RBFOX1: variants seen among roughly 807,000 people sequenced by gnomAD.
RBFOX1 encodes the protein RNA binding protein fox-1 homolog 1.
Under a neutral mutation model 57.7 loss-of-function variants are expected in RBFOX1, and 8 were observed. The ratio of observed to expected loss-of-function variants is 0.14; its 90% CI spans 0.08 to 0.25. The LOEUF is 0.25. Ranked by LOEUF, RBFOX1 falls within the 10% of genes least tolerant of loss-of-function variation. RBFOX1 has a pLI of 1.00. For synonymous variants in RBFOX1, 326 were observed against 222.4 expected, an observed-to-expected ratio of 1.47 and a Z score of -4.15; for missense variants, 611 against 548.5, an observed-to-expected ratio of 1.11 and a Z score of -1.14.
chr16:6,982,526 C>A (rs1314137705), intron 3 of RBFOX1, among the ~76,000 whole-genome samples: 1 of 152,180 alleles, frequency 6.6e-6, no homozygotes, highest in Non-Finnish European at 1.5e-5. Context: ...CGGCCTCGCC[C>A]TCTGTTCATC....
intron 2 of RBFOX1, among the ~76,000 whole-genome samples, chr16:6,505,900 A>AACCT (rs1299369802): frequency 6.6e-6 from 1 of 152,186 alleles, no homozygotes; most frequent in Non-Finnish European, 1.5e-5. Flanking sequence ...AGTGACAGAG[A>AACCT]ACCTGTTACC....
intron 1 of RBFOX1, among the ~76,000 whole-genome samples, chr16:6,249,503 G>A (rs1437947307): frequency 2.6e-5 from 4 of 152,184 alleles, no homozygotes; most frequent in African/African-American, 4.8e-5. Context: ...CAGCTTGGGC[G>A]ACAGAGGGAG....
At chr16:5,926,348 G>A (rs1454528878) in intron 4 of RBFOX1, among the ~76,000 whole-genome samples, 1 of 152,164 alleles carries the variant, frequency 6.6e-6, no homozygotes, top group Admixed American at 6.5e-5. Flanking sequence ...CTGGAACAGG[G>A]ATACTGGCTG....
intron 1 of RBFOX1, among the ~76,000 whole-genome samples, chr16:6,223,486 GC>G (rs1459232766): frequency 1.3e-5 from 2 of 152,112 alleles, no homozygotes; most frequent in Non-Finnish European, 2.9e-5. Context: ...TCTTTTGGCT[GC>G]ATAAATGTCT....
chr16:7,070,359 G>A (rs2057074184), intron 4 of RBFOX1, among the ~76,000 whole-genome samples: 1 of 152,138 alleles, frequency 6.6e-6, no homozygotes, highest in Non-Finnish European at 1.5e-5. Flanking sequence ...CATGATTTTG[G>A]AAAACTTGTC....
At chr16:7,514,635 AG>A (rs1161364375) in intron 4 of RBFOX1, among the ~76,000 whole-genome samples, 1 of 152,066 alleles carries the variant, frequency 6.6e-6, no homozygotes, top group African/African-American at 2.4e-5. Flanking sequence ...CTGAAGGAAG[AG>A]TAAGGACTAG....
At chr16:6,548,640 A>C (rs1325425112) in intron 2 of RBFOX1, among the ~76,000 whole-genome samples, 1 of 152,182 alleles carries the variant, frequency 6.6e-6, no homozygotes, top group African/African-American at 2.4e-5. Context: ...AAATTATAGA[A>C]CTGGGAAGCA....
intron 1 of RBFOX1, among the ~76,000 whole-genome samples, chr16:6,222,512 A>G (rs764176412): frequency 8.4e-4 from 128 of 151,934 alleles, no homozygotes; most frequent in Admixed American, 1.5e-3. Flanking sequence ...TTGCAGATAC[A>G]TCAGCTCTGA....
intron 1 of RBFOX1, among the ~76,000 whole-genome samples, chr16:6,171,161 G>T (rs1395487893): frequency 6.6e-6 from 1 of 152,136 alleles, no homozygotes; most frequent in Non-Finnish European, 1.5e-5. Context: ...AGCTTGTCAG[G>T]ATCTCTTCTT....
chr16:5,487,956 A>G (rs1597266294), intron 2 of RBFOX1, among the ~76,000 whole-genome samples: 1 of 152,036 alleles, frequency 6.6e-6, no homozygotes, highest in Non-Finnish European at 1.5e-5. Flanking sequence ...GGTGGTGGGG[A>G]GAAGATGATT....
intron 2 of RBFOX1, among the ~76,000 whole-genome samples, chr16:6,443,934 C>G (rs781004377): frequency 9.9e-5 from 15 of 151,956 alleles, no homozygotes; most frequent in Non-Finnish European, 2.1e-4. Flanking sequence ...TACAGTAGAG[C>G]CAAAAGTGAT....
chr16:7,465,944 A>T (rs1191121651), intron 4 of RBFOX1, among the ~76,000 whole-genome samples: 1 of 152,210 alleles, frequency 6.6e-6, no homozygotes, highest in African/African-American at 2.4e-5. Context: ...TGCTTAAAAG[A>T]ATGACAGACT....
At chr16:7,697,307 G>A (rs187341843) in intron 14 of RBFOX1, among the ~76,000 whole-genome samples, 70 of 152,220 alleles carry the variant, frequency 4.6e-4, no homozygotes, top group Non-Finnish European at 9.0e-4. Flanking sequence ...GTACAAGCTC[G>A]AGTCTGTTAA....
At chr16:6,911,407 C>A (rs1223347190) in intron 3 of RBFOX1, among the ~76,000 whole-genome samples, 1 of 152,124 alleles carries the variant, frequency 6.6e-6, no homozygotes, top group African/African-American at 2.4e-5. Flanking sequence ...CTGTTCCATG[C>A]CCCTCCCTGT....
chr16:5,491,806 C>G (rs537076645), intron 2 of RBFOX1, among the ~76,000 whole-genome samples: 25 of 152,312 alleles, frequency 1.6e-4, no homozygotes, highest in African/African-American at 6.0e-4. Flanking sequence ...CAGTTGTTCT[C>G]AAGCCTAGCT....
chr16:7,359,740 T>A (rs1474771079), intron 4 of RBFOX1, among the ~76,000 whole-genome samples: 1 of 152,116 alleles, frequency 6.6e-6, no homozygotes, highest in Non-Finnish European at 1.5e-5. Context: ...ATCCCAGCAC[T>A]TTGGGAGGCT....
At chr16:6,779,797 T>TTATATA (rs2080101349) in intron 3 of RBFOX1, among the ~76,000 whole-genome samples, 3 of 1,096 alleles carry the variant, frequency 2.7e-3, no homozygotes, top group African/African-American at 0.014. Flanking sequence ...TTATATATAC[T>TTATATA]TTTATATATT....
At chr16:5,943,178 C>G (rs930627573) in intron 4 of RBFOX1, among the ~76,000 whole-genome samples, 4 of 152,208 alleles carry the variant, frequency 2.6e-5, no homozygotes, top group Non-Finnish European at 5.9e-5. Flanking sequence ...CAAGCCAGTG[C>G]TTCTAGGTGT....
intron 3 of RBFOX1, among the ~76,000 whole-genome samples, chr16:5,642,005 G>C (rs1402588922): frequency 6.6e-6 from 1 of 152,194 alleles, no homozygotes; most frequent in Admixed American, 6.5e-5. Flanking sequence ...TGAGTTCTCA[G>C]GGGATACCAA....
Sources: gnomAD v4.1 joint callset for allele counts (sites outside exome capture counted in the v4.1 genomes callset) on GRCh38, gnomAD v4.1.1 for gene constraint, MANE v1.5 for transcripts, NCBI Gene and HGNC (gene_info 2026-07-23, HGNC 2026-07-21) for gene names.